The following TMEM132D variants were observed in gnomAD, a reference collection of about 807,000 sequenced individuals.
TMEM132D encodes transmembrane protein 132D, also known as mature OL transmembrane protein.
In TMEM132D, 21 loss-of-function variants were observed where a neutral mutation model predicts 62.3. The ratio of observed to expected loss-of-function variants is 0.34; its 90% CI spans 0.24 to 0.49. The LOEUF is 0.49. TMEM132D is among the 20% of genes least tolerant of loss of function. The pLI is 0.99. For synonymous variants in TMEM132D, 621 were observed against 575.6 expected (o/e 1.08, Z -1.13); for missense variants, 1,346 against 1,402.8 (o/e 0.96, Z 0.65).
chr12:129,585,429 G>T (rs539774875), intron 2 of TMEM132D, among the ~76,000 whole-genome samples: 2 of 152,348 alleles, frequency 1.3e-5, no homozygotes, highest in East Asian at 3.9e-4. Flanking sequence ...CAACACATTT[G>T]AAAGTGGAGC....
chr12:129,655,516 G>A (rs1209331772), intron 2 of TMEM132D, among the ~76,000 whole-genome samples: 6 of 151,936 alleles, frequency 3.9e-5, no homozygotes, highest in East Asian at 3.9e-4. Flanking sequence ...CAAAGTGCTG[G>A]GATTACAGGC....
chr12:129,819,345 T>C (rs1872476548), intron 1 of TMEM132D, among the ~76,000 whole-genome samples: 1 of 152,166 alleles, frequency 6.6e-6, no homozygotes, highest in Non-Finnish European at 1.5e-5. Flanking sequence ...TTGTGATATT[T>C]ATAATAATTG....
chr12:129,345,350 A>G (rs1869646169), intron 3 of TMEM132D, among the ~76,000 whole-genome samples: 1 of 152,170 alleles, frequency 6.6e-6, no homozygotes, highest in African/African-American at 2.4e-5. Context: ...CAGGTTTGGA[A>G]CTTTTCTTTC....
In TMEM132D at chr12:129,277,670, A is replaced by AT. The variant is rs1446903501; in HGVS notation, c.1299+59963dup. On this transcript the variant is annotated intron_variant, in intron 4 of 8. Transcript: ENST00000422113. This position sits in a 1 kb window ranked among gnomAD's most constrained non-coding sequence, Gnocchi z 4.2. ...AGTTAGAAACAAATTTAGTATCTCA[A>AT]TTTTTTAAATTGCCCGTATTGTGTT... Among the ~76,000 whole-genome samples, 1 of 152,182 alleles carries AT rather than the reference A, an allele frequency of 6.6e-6. No homozygotes were observed. Among genetic ancestry groups the AT allele is most frequent in the Admixed American group, 6.5e-5 (1 of 15,280 alleles).
intron 2 of TMEM132D, among the ~76,000 whole-genome samples, chr12:129,538,481 C>CCCACAGTAGTCCCA: frequency 6.6e-6 from 1 of 152,138 alleles, no homozygotes; most frequent in Non-Finnish European, 1.5e-5. Flanking sequence ...CCCACTCTAT[C>CCCACAGTAGTCCCA]CTTGGAGGAT....
intron 3 of TMEM132D, among the ~76,000 whole-genome samples, chr12:129,468,925 T>G (rs940555929): frequency 7.2e-5 from 11 of 152,218 alleles, no homozygotes; most frequent in Non-Finnish European, 1.2e-4. Flanking sequence ...TTGACACTGC[T>G]TGTTTTCATA....
chr12:129,710,569 T>G (rs1379473724), intron 1 of TMEM132D, among the ~76,000 whole-genome samples: 1 of 152,142 alleles, frequency 6.6e-6, no homozygotes, highest in East Asian at 1.9e-4. Context: ...GCTGCTGGGA[T>G]TACAGGCATG....
chr12:129,886,803 G>C (rs775849996), intron 1 of TMEM132D, among the ~76,000 whole-genome samples: 4 of 152,084 alleles, frequency 2.6e-5, no homozygotes, highest in African/African-American at 4.8e-5. Flanking sequence ...TGAATCATGA[G>C]GGTGGTTACC....
intron 5 of TMEM132D, among the ~76,000 whole-genome samples, chr12:129,123,800 T>A (rs1224804627): frequency 6.6e-6 from 1 of 152,180 alleles, no homozygotes; most frequent in Non-Finnish European, 1.5e-5. Flanking sequence ...CTTCTCTCTC[T>A]CTCTCTCCTT....
chr12:129,643,765 C>G (rs1879700058), intron 2 of TMEM132D, among the ~76,000 whole-genome samples: 1 of 152,162 alleles, frequency 6.6e-6, no homozygotes, highest in Non-Finnish European at 1.5e-5. Flanking sequence ...CTGTTATCTA[C>G]CTATGACCTG....
chr12:129,191,094 G>A (rs564677149), intron 5 of TMEM132D, among the ~76,000 whole-genome samples: 1 of 152,260 alleles, frequency 6.6e-6, no homozygotes, highest in South Asian at 2.1e-4. Context: ...CTCTCCAAGG[G>A]ACGTGGGCCT....
chr12:129,493,896 G>T (rs1200109743), intron 3 of TMEM132D, among the ~76,000 whole-genome samples: 1 of 152,200 alleles, frequency 6.6e-6, no homozygotes, highest in Non-Finnish European at 1.5e-5. Context: ...TTGAGAAAGA[G>T]AGAAAAGCAT....
At chr12:129,142,133 T>G (rs1203178554) in intron 5 of TMEM132D, among the ~76,000 whole-genome samples, 1 of 152,020 alleles carries the variant, frequency 6.6e-6, no homozygotes, top group Non-Finnish European at 1.5e-5. Flanking sequence ...CCATAAATAA[T>G]GAATCACATA....
intron 4 of TMEM132D, among the ~76,000 whole-genome samples, chr12:129,264,898 A>G (rs1880645398): frequency 6.6e-6 from 1 of 152,270 alleles, no homozygotes; most frequent in South Asian, 2.1e-4. Context: ...GATACAATGG[A>G]CTTTGGGAAC....
intron 4 of TMEM132D, among the ~76,000 whole-genome samples, chr12:129,317,879 T>A (rs1468960313): frequency 6.6e-6 from 1 of 152,202 alleles, no homozygotes; most frequent in Non-Finnish European, 1.5e-5. Context: ...TTGGGTTAAT[T>A]CAAAGATCTT....
intron 1 of TMEM132D, among the ~76,000 whole-genome samples, chr12:129,859,120 G>A (rs556733960): frequency 2.0e-5 from 3 of 152,222 alleles, no homozygotes; most frequent in Non-Finnish European, 2.9e-5. Flanking sequence ...GTGTTCATCC[G>A]TTCCACCACG....
At chr12:129,130,242 C>T (rs2135524630) in intron 5 of TMEM132D, among the ~76,000 whole-genome samples, 1 of 152,122 alleles carries the variant, frequency 6.6e-6, no homozygotes, top group Middle Eastern at 3.4e-3. Context: ...CTGAAGAAAA[C>T]CACCCCACCC....
intron 1 of TMEM132D, among the ~76,000 whole-genome samples, chr12:129,880,433 C>T (rs909293693): frequency 4.6e-5 from 7 of 152,062 alleles, no homozygotes; most frequent in Middle Eastern, 3.2e-3. Context: ...TGAAAACTTC[C>T]GGATGTGATT....
At chr12:129,825,625 T>C (rs1872643396) in intron 1 of TMEM132D, among the ~76,000 whole-genome samples, 1 of 152,142 alleles carries the variant, frequency 6.6e-6, no homozygotes, top group African/African-American at 2.4e-5. Flanking sequence ...AGCCACTGTG[T>C]GTGCTGCTGG....
Sources: allele counts gnomAD v4.1 joint callset (sites outside exome capture counted in the v4.1 genomes callset), GRCh38; gene constraint gnomAD v4.1.1; non-coding constraint Gnocchi (gnomAD v3.1); transcripts MANE v1.5; gene names NCBI Gene and HGNC (gene_info 2026-07-23, HGNC 2026-07-21).